HIPK3: variants seen among roughly 807,000 people sequenced by gnomAD.
The protein encoded by HIPK3 is homeodomain interacting protein kinase 3, also known as homeodomain-interacting protein kinase 3.
Under a neutral mutation model 124.2 loss-of-function variants are expected in HIPK3, and 47 were observed. The ratio of observed to expected loss-of-function variants is 0.38; its 90% CI spans 0.30 to 0.48. The LOEUF (loss-of-function observed/expected upper bound fraction) is 0.48, where lower values mean the gene tolerates loss of function less well. Ranked by LOEUF, HIPK3 falls within the 20% of genes least tolerant of loss-of-function variation. The probability of loss-of-function intolerance (pLI) is 0.98; values close to 1 mark genes in which losing one functional copy is unlikely to be tolerated. For synonymous variants in HIPK3, 482 were observed against 515.2 expected, an observed-to-expected ratio of 0.94 and a Z score of 0.87; for missense variants, 1,286 against 1,454.3, an observed-to-expected ratio of 0.88 and a Z score of 1.88.
chr11:33,327,307 C>CT (rs1258032606), intron 2 of HIPK3, among the ~76,000 whole-genome samples: 1 of 152,150 alleles, frequency 6.6e-6, no homozygotes, highest in East Asian at 1.9e-4. Context: ...TCCTCTGAAT[C>CT]TAATTATGAG....
At chr11:33,305,508 A>G (rs1003465455) in intron 2 of HIPK3, among the ~76,000 whole-genome samples, 9 of 152,182 alleles carry the variant, frequency 5.9e-5, no homozygotes, top group Non-Finnish European at 1.2e-4. Context: ...TTACTCTGAC[A>G]CCAACCATAA....
chr11:33,350,714 A>G (rs1398986500), intron 14 of HIPK3, among the ~76,000 whole-genome samples: 5 of 152,064 alleles, frequency 3.3e-5, no homozygotes, highest in Non-Finnish European at 5.9e-5. Context: ...AAAGAAAGAA[A>G]TAAAGTCTTA....
At chr11:33,272,399 C>CA (rs879333622) in intron 1 of HIPK3, among the ~76,000 whole-genome samples, 2,361 of 137,152 alleles carry the variant, frequency 0.017, 56 homozygotes, top group African/African-American at 0.054. Flanking sequence ...ACTCCGTCTC[C>CA]AAAAAAAAAA....
chr11:33,257,803 C>G lies in HIPK3; in HGVS notation c.-89C>G, dbSNP rs961414224. ...GCCGCCTGCTGAAGCGCCTGGCTCCCGGTCCCCGGCACGGCCCTGCGCCCC... is the reference window on the plus strand; with the variant it reads ...GCCGCCTGCTGAAGCGCCTGGCTCCGGGTCCCCGGCACGGCCCTGCGCCCC... On this transcript the variant is annotated 5_prime_UTR_variant, in exon 1 of 17. Coordinates refer to ENST00000303296, the MANE Select transcript of HIPK3 (RefSeq NM_005734.5). 22 of 986,640 alleles carry G rather than the reference C, an allele frequency of 2.2e-5. No individual in the cohort carries two copies. Among genetic ancestry groups the G allele is most frequent in the Non-Finnish European group, 2.5e-5 (21 of 831,052 alleles). 61.1% of individuals were successfully genotyped at this position (986,640 alleles called of 1,614,324 possible).
chr11:33,304,525 C>T (rs1054690722), intron 2 of HIPK3, among the ~76,000 whole-genome samples: 5 of 151,588 alleles, frequency 3.3e-5, no homozygotes, highest in Non-Finnish European at 7.4e-5. Context: ...CCATTGCACT[C>T]CAGCCTGGGC....
At chr11:33,328,381 A>C in intron 2 of HIPK3, 129 bp from the exon 3 acceptor site, 2 of 823,436 alleles carry the variant, frequency 2.4e-6, no homozygotes, top group Non-Finnish European at 3.8e-6. Flanking sequence ...AGAGTTCTGA[A>C]ATAGTGAAGA....
chr11:33,307,359 C>G (rs549278188), intron 2 of HIPK3, among the ~76,000 whole-genome samples: 42 of 151,554 alleles, frequency 2.8e-4, no homozygotes, highest in African/African-American at 9.0e-4. Context: ...TAACCACTAC[C>G]CAAGTCAAGT....
At chr11:33,302,166 T>TG (rs1852018887) in intron 2 of HIPK3, among the ~76,000 whole-genome samples, 1 of 152,196 alleles carries the variant, frequency 6.6e-6, no homozygotes, top group South Asian at 2.1e-4. Flanking sequence ...ATGATTCCTG[T>TG]GTGCCTAGAC....
At chr11:33,257,979 A>C (rs1454169026) in intron 1 of HIPK3, 90 bp downstream of exon 1, 1 of 960,692 alleles carries the variant, frequency 1.0e-6, no homozygotes. Flanking sequence ...CCCAAGCCTG[A>C]CCCGGGCCTG....
chr11:33,355,917 G>A lies in HIPK3; in HGVS notation c.*2349G>A, dbSNP rs1853804721. On this transcript the variant is annotated 3_prime_UTR_variant, in exon 17 of 17. Transcript: ENST00000303296. The stretch of plus-strand genomic sequence containing the variant: ...ATTATTTACAGATGACACATTTATG[G>A]GGTCACTATTTAAGTAAATTTGCTG... 1 of 151,816 alleles carries A rather than the reference G, an allele frequency of 6.6e-6. No individual in the cohort carries two copies. The highest frequency in any genetic ancestry group is 6.6e-5 in the Admixed American group (1 of 15,230). 9.4% of individuals were successfully genotyped at this position (151,816 alleles called of 1,614,324 possible). A position where few individuals can be genotyped will look rare whatever the true frequency, so the allele number is the denominator to read the frequency against.
Position 33,353,229 on chromosome 11 carries a change from T to C in HIPK3, c.3309T>C (p.His1103=), listed in dbSNP as rs1216604954. 6.2e-7 allele frequency: 1 copy of C among 1,614,158 alleles called. No individual in the cohort carries two copies. Among genetic ancestry groups the C allele is most frequent in the Non-Finnish European group, 8.5e-7 (1 of 1,180,006 alleles). Residue 1103 remains histidine, a synonymous_variant, in exon 17 of 17, where the codon CAT becomes CAC. Coordinates refer to ENST00000303296, the MANE Select transcript of HIPK3 (RefSeq NM_005734.5). ...SHGSPNHTAV[H]AHLAGNTHLG... is the part of the protein sequence containing the mutation. ...GAAGTCCCAATCACACAGCAGTGCA[T>C]GCCCACCTGGCTGGAAATACACACC...
chr11:33,293,136 C>T lies in HIPK3; in HGVS notation c.1097+5625C>T, dbSNP rs184091757. The stretch of plus-strand genomic sequence containing the variant: ...GACACAGATAGTCGACTACATATAT[C>T]GGGCCTTCTATTAAAAATTCTAGCA... On this transcript the variant is annotated intron_variant, in intron 2 of 16. Transcript: ENST00000303296. Among the ~76,000 whole-genome samples, 369 of 152,226 alleles carry T rather than the reference C, an allele frequency of 2.4e-3. 2 individuals carry two copies. The highest frequency in any genetic ancestry group is 5.2e-3 in the Admixed American group (80 of 15,284).
intron 14 of HIPK3, among the ~76,000 whole-genome samples, chr11:33,350,715 T>C (rs992743046): frequency 2.0e-5 from 3 of 151,826 alleles, no homozygotes; most frequent in African/African-American, 7.3e-5. Context: ...AAGAAAGAAA[T>C]AAAGTCTTAT....
At chr11:33,323,209 T>A (rs1852714923) in intron 2 of HIPK3, among the ~76,000 whole-genome samples, 1 of 152,196 alleles carries the variant, frequency 6.6e-6, no homozygotes, top group African/African-American at 2.4e-5. Flanking sequence ...AAGAAGCCAG[T>A]CACAAAGACT....
At chr11:33,292,226 T>G (rs914067564) in intron 2 of HIPK3, among the ~76,000 whole-genome samples, 4 of 152,236 alleles carry the variant, frequency 2.6e-5, no homozygotes, top group Non-Finnish European at 5.9e-5. Flanking sequence ...CTGGGACTTA[T>G]GTAAGTCAGA....
chr11:33,317,166 T>G (rs1565082369), intron 2 of HIPK3, among the ~76,000 whole-genome samples: 2 of 152,108 alleles, frequency 1.3e-5, no homozygotes, highest in Non-Finnish European at 2.9e-5. Flanking sequence ...AGATGGGGTT[T>G]TGCCGTATTG....
chr11:33,338,319 C>T (rs1288928969), intron 4 of HIPK3, among the ~76,000 whole-genome samples: 3 of 152,244 alleles, frequency 2.0e-5, no homozygotes, highest in South Asian at 2.1e-4. Flanking sequence ...CTGCAACCTC[C>T]GCCTCCCAGG....
intron 3 of HIPK3, among the ~76,000 whole-genome samples, chr11:33,331,420 C>T (rs1852979949): frequency 6.6e-6 from 1 of 152,162 alleles, no homozygotes; most frequent in Admixed American, 6.5e-5. Flanking sequence ...GTCATCTAGG[C>T]TGGAATGCAG....
At chr11:33,345,367 C>A (rs1565097107) in intron 8 of HIPK3, among the ~76,000 whole-genome samples, 1 of 152,092 alleles carries the variant, frequency 6.6e-6, no homozygotes, top group East Asian at 1.9e-4. Context: ...CTTTTTATGT[C>A]TTGTCTTCCA....
Sources: gnomAD v4.1 joint callset for allele counts (sites outside exome capture counted in the v4.1 genomes callset) on GRCh38, gnomAD v4.1.1 for gene constraint, MANE v1.5 for transcripts, NCBI Gene and HGNC (gene_info 2026-07-23, HGNC 2026-07-21) for gene names.